The following RGS7 variants were observed in gnomAD, a reference collection of about 807,000 sequenced individuals.
The protein encoded by RGS7 is regulator of G-protein signaling 7.
RGS7 carries 27 observed loss-of-function variants against 81.1 expected under a neutral mutation model. The observed-to-expected ratio is 0.33, with a 90% CI of 0.25 to 0.46. RGS7 has a LOEUF of 0.46. Ranked by LOEUF, RGS7 falls within the 20% of genes least tolerant of loss-of-function variation. RGS7 has a pLI of 1.00. For missense variants in RGS7, 396 were observed against 607.4 expected (o/e 0.65, Z 3.66); for synonymous variants, 208 against 207.7 (o/e 1.00, Z -0.01).
intron 2 of RGS7, among the ~76,000 whole-genome samples, chr1:241,238,958 C>G (rs967419314): frequency 3.3e-4 from 20 of 60,154 alleles, no homozygotes; most frequent in African/African-American, 1.4e-3. Flanking sequence ...TAGCTATTGC[C>G]TCTCTCTCTT....
intron 2 of RGS7, among the ~76,000 whole-genome samples, chr1:241,278,993 T>A (rs915597215): frequency 6.6e-6 from 1 of 152,172 alleles, no homozygotes; most frequent in East Asian, 1.9e-4. Flanking sequence ...AACTATTCAT[T>A]TGGGGACTTC....
chr1:241,222,511 A>G (rs1290199651), intron 2 of RGS7, among the ~76,000 whole-genome samples: 1 of 152,184 alleles, frequency 6.6e-6, no homozygotes, highest in Non-Finnish European at 1.5e-5. Flanking sequence ...TGTTGGTGAA[A>G]GGCTTCATCT....
chr1:241,142,103 A>AT (rs1288381747), intron 2 of RGS7, among the ~76,000 whole-genome samples: 2 of 152,214 alleles, frequency 1.3e-5, no homozygotes, highest in Non-Finnish European at 2.9e-5. Context: ...GGTCATGCTG[A>AT]TGCAAGACGT....
At chr1:241,035,107 A>G (rs572711814) in intron 3 of RGS7, among the ~76,000 whole-genome samples, 1 of 152,300 alleles carries the variant, frequency 6.6e-6, no homozygotes, top group South Asian at 2.1e-4. Flanking sequence ...ATACAATGAG[A>G]AGAGGCATCA....
At chr1:241,134,878 G>A (rs1406023499) in intron 2 of RGS7, among the ~76,000 whole-genome samples, 4 of 151,962 alleles carry the variant, frequency 2.6e-5, no homozygotes, top group South Asian at 2.1e-4. Context: ...GTAATCAGCA[G>A]CGTGGGTCAG....
chr1:240,880,527 C>G (rs1292058965), intron 6 of RGS7, among the ~76,000 whole-genome samples: 2 of 152,220 alleles, frequency 1.3e-5, no homozygotes, highest in Non-Finnish European at 2.9e-5. Context: ...AGTGTCTCCC[C>G]TCTACCCTCG....
At chr1:241,083,527 T>C (rs76275496) in intron 3 of RGS7, among the ~76,000 whole-genome samples, 1,528 of 152,312 alleles carry the variant, frequency 0.01, 18 homozygotes, top group Admixed American at 0.021. Context: ...TATGTGCAAG[T>C]TGCATAGTTA....
chr1:241,025,624 T>C lies in RGS7; in HGVS notation c.176-42495A>G, dbSNP rs147675347. Among the ~76,000 whole-genome samples the C allele has an allele frequency of 3.7e-3, 570 of 152,176 alleles. 3 individuals carry two copies. Among genetic ancestry groups the C allele is most frequent in the African/African-American group, 0.013 (527 of 41,530 alleles). ...GAAACTAAATATGGGGGAGGGAAGATTGTCTTTTTGCTTTATCTATGCCTC... is the reference window on the plus strand; with the variant it reads ...GAAACTAAATATGGGGGAGGGAAGACTGTCTTTTTGCTTTATCTATGCCTC... On this transcript the variant is annotated intron_variant, in intron 3 of 18. Transcript: ENST00000440928.
At chr1:240,837,895 T>A (rs564803734) in intron 9 of RGS7, among the ~76,000 whole-genome samples, 2 of 152,252 alleles carry the variant, frequency 1.3e-5, no homozygotes, top group South Asian at 4.1e-4. Flanking sequence ...TTACAACAGA[T>A]AGCAATGGGA....
intron 3 of RGS7, among the ~76,000 whole-genome samples, chr1:241,063,794 G>A (rs2061877545): frequency 6.6e-6 from 1 of 151,954 alleles, no homozygotes; most frequent in South Asian, 2.1e-4. Context: ...TATAATGAAT[G>A]AAATAAGCAT....
intron 2 of RGS7, among the ~76,000 whole-genome samples, chr1:241,287,245 T>C (rs1279091005): frequency 6.6e-6 from 1 of 152,168 alleles, no homozygotes; most frequent in Non-Finnish European, 1.5e-5. Context: ...GTGATATGGT[T>C]TGGCTGTGTC....
chr1:241,193,090 T>C (rs140698248), intron 2 of RGS7, among the ~76,000 whole-genome samples: 1 of 152,194 alleles, frequency 6.6e-6, no homozygotes, highest in African/African-American at 2.4e-5. Flanking sequence ...TAAAATGTCA[T>C]TTAAATATAA....
rs201138409 is a variant in RGS7 at position 240,804,848 on chromosome 1, TG to T, written c.1269+1291del. Among the ~76,000 whole-genome samples the T allele has an allele frequency of 6.8e-4, 104 of 152,340 alleles. 1 individual carries two copies. The highest frequency in any genetic ancestry group is 5.8e-3 in the East Asian group (30 of 5,170). On this transcript the variant is annotated intron_variant, in intron 15 of 18. Coordinates refer to ENST00000440928, the MANE Select transcript of RGS7 (RefSeq NM_001364886.1). ...GTATCCAGTTAGCTGTTAAAATTCATGTTAGTTTACTACACAGTTGCTGATT... is the reference window on the plus strand; with the variant it reads ...GTATCCAGTTAGCTGTTAAAATTCATTTAGTTTACTACACAGTTGCTGATT...
intron 2 of RGS7, among the ~76,000 whole-genome samples, chr1:241,166,172 A>G (rs1462414497): frequency 6.6e-6 from 1 of 152,236 alleles, no homozygotes; most frequent in Non-Finnish European, 1.5e-5. Flanking sequence ...CTCTTAATAG[A>G]TGACAGTTGA....
At chr1:240,952,015 C>T (rs1298616803) in intron 4 of RGS7, among the ~76,000 whole-genome samples, 1 of 151,972 alleles carries the variant, frequency 6.6e-6, no homozygotes, top group Non-Finnish European at 1.5e-5. Context: ...ACCCACTAAC[C>T]TAGAATTTTA....
intron 6 of RGS7, among the ~76,000 whole-genome samples, chr1:240,872,115 T>C (rs1558389848): frequency 6.6e-6 from 1 of 152,096 alleles, no homozygotes; most frequent in Non-Finnish European, 1.5e-5. Context: ...TTTAATTCTC[T>C]AGGGAAAAAA....
intron 9 of RGS7, among the ~76,000 whole-genome samples, chr1:240,858,776 G>T (rs1460587651): frequency 6.6e-6 from 1 of 152,062 alleles, no homozygotes; most frequent in African/African-American, 2.4e-5. Context: ...GCCTGTAGAA[G>T]TAATCAATTA....
intron 2 of RGS7, among the ~76,000 whole-genome samples, chr1:241,286,984 G>A (rs889872887): frequency 2.6e-5 from 4 of 152,046 alleles, no homozygotes; most frequent in Non-Finnish European, 4.4e-5. Context: ...GGAAATAATC[G>A]GTCCTTAAAT....
At chr1:241,224,856 C>G (rs367566422) in intron 2 of RGS7, among the ~76,000 whole-genome samples, 1 of 152,142 alleles carries the variant, frequency 6.6e-6, no homozygotes, top group African/African-American at 2.4e-5. Context: ...CACAGTATAG[C>G]TCAGTGATTG....
Sources: allele counts gnomAD v4.1 joint callset (sites outside exome capture counted in the v4.1 genomes callset), GRCh38; gene constraint gnomAD v4.1.1; transcripts MANE v1.5; gene names NCBI Gene and HGNC (gene_info 2026-07-23, HGNC 2026-07-21).